The following KCNJ3 variants were observed in gnomAD, a reference collection of about 807,000 sequenced individuals.
The protein encoded by KCNJ3 is potassium inwardly rectifying channel subfamily J member 3.
KCNJ3 carries 4 observed loss-of-function variants against 39.2 expected under a neutral mutation model. That is an observed-to-expected ratio of 0.10 (90% CI 0.05 to 0.23). The LOEUF is 0.23. Ranked by LOEUF, KCNJ3 falls within the 10% of genes least tolerant of loss-of-function variation. The pLI, the probability that KCNJ3 is intolerant of heterozygous loss-of-function variation, is 1.00. For missense variants in KCNJ3, 276 were observed against 634.9 expected (o/e 0.43, Z 6.08); for synonymous variants, 230 against 237.4 (o/e 0.97, Z 0.29).
intron 2 of KCNJ3, among the ~76,000 whole-genome samples, chr2:154,813,173 CT>C (rs1052528407): frequency 6.6e-6 from 1 of 152,060 alleles, no homozygotes; most frequent in Non-Finnish European, 1.5e-5. Flanking sequence ...CCGATCACAT[CT>C]TTTTTTTCTA....
intron 2 of KCNJ3, among the ~76,000 whole-genome samples, chr2:154,754,765 T>C (rs1171529203): frequency 2.6e-5 from 4 of 152,312 alleles, no homozygotes; most frequent in African/African-American, 9.6e-5. Flanking sequence ...ACAGGCCTTA[T>C]AAAACTAGTT....
At chr2:154,783,962 A>C (rs1179193023) in intron 2 of KCNJ3, among the ~76,000 whole-genome samples, 1 of 152,210 alleles carries the variant, frequency 6.6e-6, no homozygotes, top group Non-Finnish European at 1.5e-5. Context: ...TTGATTCATA[A>C]AGGAATGATA....
At chr2:154,735,146 G>A (rs559330853) in intron 2 of KCNJ3, among the ~76,000 whole-genome samples, 3 of 151,452 alleles carry the variant, frequency 2.0e-5, no homozygotes, top group African/African-American at 7.3e-5. Flanking sequence ...GAGTGCAGGG[G>A]CGCGATCTCG....
chr2:154,845,087 C>A (rs561987404), intron 2 of KCNJ3, among the ~76,000 whole-genome samples: 2 of 152,078 alleles, frequency 1.3e-5, no homozygotes, highest in South Asian at 4.2e-4. Flanking sequence ...TTTTGGAATG[C>A]CTTAAGCTAG....
At chr2:154,812,859 C>T (rs972762200) in intron 2 of KCNJ3, among the ~76,000 whole-genome samples, 1 of 152,038 alleles carries the variant, frequency 6.6e-6, no homozygotes, top group Non-Finnish European at 1.5e-5. Context: ...GGAAAAAGGG[C>T]AGTAAAAGCT....
intron 2 of KCNJ3, among the ~76,000 whole-genome samples, chr2:154,849,842 A>T (rs1180765600): frequency 6.6e-6 from 1 of 152,142 alleles, no homozygotes; most frequent in African/African-American, 2.4e-5. Context: ...GACTTAGTTC[A>T]GTTTAGAGGC....
chr2:154,735,068 C>CGTGTGTGTGTGTGTGTGTGTGTGT (rs1171630763), intron 2 of KCNJ3, among the ~76,000 whole-genome samples: 1 of 103,758 alleles, frequency 9.6e-6, no homozygotes, highest in East Asian at 3.2e-4. Flanking sequence ...CCCTTGTAGG[C>CGTGTGTGTGTGTGTGTGTGTGTGT]CTGTGTGTGT....
chr2:154,838,623 T>G (rs1687514235), intron 2 of KCNJ3, among the ~76,000 whole-genome samples: 1 of 152,196 alleles, frequency 6.6e-6, no homozygotes, highest in African/African-American at 2.4e-5. Context: ...AACTAGATTT[T>G]GAAGGAACTA....
chr2:154,794,256 T>C (rs920589559), intron 2 of KCNJ3, among the ~76,000 whole-genome samples: 1 of 152,064 alleles, frequency 6.6e-6, no homozygotes, highest in Non-Finnish European at 1.5e-5. Context: ...AATGTTTTTA[T>C]TTCCTTTAAG....
rs116236279 is a variant in KCNJ3, at chr2:154,762,204, T to G, written c.919+52385T>G. On this transcript the variant is annotated intron_variant, in intron 2 of 2. Coordinates refer to ENST00000295101, the MANE Select transcript of KCNJ3 (RefSeq NM_002239.4). Reference sequence around the variant, plus strand: ...ATTTAAGCCATTAAGTTTGTGGCAATTTTTTTACAGCAATAATAGGAAACA... The same window carrying G: ...ATTTAAGCCATTAAGTTTGTGGCAAGTTTTTTACAGCAATAATAGGAAACA... 4.1e-3 allele frequency among the ~76,000 whole-genome samples: 618 copies of G among 152,306 alleles called. 3 individuals are homozygous for G. Among genetic ancestry groups the G allele is most frequent in the African/African-American group, 0.014 (584 of 41,564 alleles).
At chr2:154,772,450 C>A (rs756302777) in intron 2 of KCNJ3, among the ~76,000 whole-genome samples, 1 of 151,916 alleles carries the variant, frequency 6.6e-6, no homozygotes, top group Non-Finnish European at 1.5e-5. Context: ...TATGAAAATC[C>A]TAATGTGTTT....
chr2:154,776,153 C>A, intron 2 of KCNJ3, among the ~76,000 whole-genome samples: 1 of 152,070 alleles, frequency 6.6e-6, no homozygotes, highest in South Asian at 2.1e-4. Flanking sequence ...AGGCACACAC[C>A]CCCACGCCAG....
At chr2:154,821,634 G>C (rs1235253978) in intron 2 of KCNJ3, among the ~76,000 whole-genome samples, 1 of 82,510 alleles carries the variant, frequency 1.2e-5, no homozygotes, top group African/African-American at 3.7e-5. Context: ...GAGAATATGT[G>C]ATTTTTTTTT....
At chr2:154,839,748 G>A (rs1687542313) in intron 2 of KCNJ3, among the ~76,000 whole-genome samples, 3 of 152,116 alleles carry the variant, frequency 2.0e-5, no homozygotes, top group South Asian at 2.1e-4. Flanking sequence ...AGAAGTGTCT[G>A]TTCATATCCT....
intron 2 of KCNJ3, among the ~76,000 whole-genome samples, chr2:154,808,173 C>T (rs1031968790): frequency 2.0e-5 from 3 of 151,670 alleles, no homozygotes; most frequent in African/African-American, 7.3e-5. Context: ...CTCTGCCTCC[C>T]AGGTTCAGGC....
chr2:154,754,669 A>G (rs189290832), intron 2 of KCNJ3, among the ~76,000 whole-genome samples: 2 of 148,086 alleles, frequency 1.4e-5, no homozygotes, highest in African/African-American at 4.9e-5. Context: ...TAGGGCTTAC[A>G]TGTCTATTTT....
At chr2:154,786,942 G>T (rs1264299587) in intron 2 of KCNJ3, among the ~76,000 whole-genome samples, 1 of 152,128 alleles carries the variant, frequency 6.6e-6, no homozygotes, top group African/African-American at 2.4e-5. Flanking sequence ...ATGAGCCAGA[G>T]AATATTAATT....
intron 2 of KCNJ3, among the ~76,000 whole-genome samples, chr2:154,733,972 A>C (rs1308166009): frequency 6.6e-6 from 1 of 152,150 alleles, no homozygotes; most frequent in Non-Finnish European, 1.5e-5. Flanking sequence ...ATGAGTCCTG[A>C]AACTTACACA....
At chr2:154,786,613 C>A (rs77720355) in intron 2 of KCNJ3, among the ~76,000 whole-genome samples, 1 of 152,018 alleles carries the variant, frequency 6.6e-6, no homozygotes, top group South Asian at 2.1e-4. Context: ...CAGATATATA[C>A]GTATATATGT....
Sources: allele counts gnomAD v4.1 joint callset (sites outside exome capture counted in the v4.1 genomes callset), GRCh38; gene constraint gnomAD v4.1.1; transcripts MANE v1.5; gene names NCBI Gene and HGNC (gene_info 2026-07-23, HGNC 2026-07-21).